PTH1R: variants seen among roughly 807,000 people sequenced by gnomAD.
The protein encoded by PTH1R is parathyroid hormone 1 receptor.
A neutral mutation model predicts 70.7 loss-of-function variants in PTH1R; 32 were observed. The ratio of observed to expected loss-of-function variants is 0.45; its 90% CI spans 0.34 to 0.61. PTH1R has a LOEUF of 0.61. Ranked by LOEUF, PTH1R falls within the 20% of genes least tolerant of loss-of-function variation. The pLI, the probability that PTH1R is intolerant of heterozygous loss-of-function variation, is 0.01. For synonymous variants in PTH1R, 329 were observed against 324.8 expected, an observed-to-expected ratio of 1.01 and a Z score of -0.14; for missense variants, 626 against 792.5, an observed-to-expected ratio of 0.79 and a Z score of 2.52.
chr3:46,900,820 C>G (rs2032071013), intron 10 of PTH1R, among the ~76,000 whole-genome samples: 1 of 152,018 alleles, frequency 6.6e-6, no homozygotes, highest in South Asian at 2.1e-4. Context: ...AGAGGCTGAG[C>G]TGGGTTTTGA....
At chr3:46,888,849 C>T (rs528963227) in intron 3 of PTH1R, among the ~76,000 whole-genome samples, 7 of 152,350 alleles carry the variant, frequency 4.6e-5, no homozygotes, top group East Asian at 3.9e-4. Flanking sequence ...CTGCCTGCCC[C>T]GAAGGCGGCC....
intron 10 of PTH1R, 24 bp downstream of exon 10, chr3:46,899,480 A>G: frequency 2.5e-6 from 4 of 1,603,806 alleles, no homozygotes; most frequent in Non-Finnish European, 3.4e-6. Context: ...GCGGGTAGCG[A>G]GGTGCCGGCA....
Position 46,898,726 on chromosome 3 carries a change from G to C in PTH1R, c.703G>C (p.Val235Leu), listed in dbSNP as rs1020569025. Residue 235 changes from valine (V) to leucine (L), a missense_variant, in exon 9 of 16, where the codon GTG becomes CTG. Coordinates refer to ENST00000449590, the MANE Select transcript of PTH1R (RefSeq NM_000316.3). ...HLFLSFMLRA[V>L]SIFVKDAVLY... ...GTTCCTGTCCTTCATGCTGCGCGCCGTGAGCATCTTCGTCAAGGACGCTGT... is the reference window on the plus strand; with the variant it reads ...GTTCCTGTCCTTCATGCTGCGCGCCCTGAGCATCTTCGTCAAGGACGCTGT... 3.7e-6 allele frequency: 6 copies of C among 1,611,118 alleles called. No homozygotes were observed. The highest frequency in any genetic ancestry group is 5.1e-6 in the Non-Finnish European group (6 of 1,179,520).
rs781682833 is a variant in PTH1R at position 46,902,598 on chromosome 3, A to G, written c.1284A>G (p.Pro428=). The change falls in exon 14 of 16, where the codon CCA becomes CCG. Residue 428 remains proline (P), a synonymous_variant. Coordinates refer to ENST00000449590, the MANE Select transcript of PTH1R (RefSeq NM_000316.3). This position sits in a 1 kb window ranked among gnomAD's most constrained non-coding sequence, Gnocchi z 5.4. ...GVHYIVFMAT[P]YTEVSGTLWQ... ...ACTACATTGTCTTCATGGCCACACC[A>G]TACACCGAGGTCTCAGGGACGCTCT... is the stretch of plus-strand genomic sequence containing the variant. 1.2e-6 allele frequency: 2 copies of G among 1,613,682 alleles called. No individual in the cohort carries two copies. The highest frequency in any genetic ancestry group is 8.5e-7 in the Non-Finnish European group (1 of 1,180,012).
In PTH1R at chr3:46,903,050, A is replaced by T; in HGVS notation, c.1396-220A>T. 1 of 1,027,192 alleles carries T rather than the reference A, an allele frequency of 9.7e-7. No homozygotes were observed. The highest frequency in any genetic ancestry group is 1.5e-6 in the Non-Finnish European group (1 of 684,256). The allele number at this position is 1,027,192 out of a possible 1,614,324, so 63.6% of individuals were successfully genotyped here. ...AATTATCTGTGACCCAGATTGGAGG[A>T]CTCAGCCACCTTTGGGGCAATTTGA... On this transcript the variant is annotated intron_variant, in intron 15 of 15. Transcript: ENST00000449590. This position sits in a 1 kb window ranked among gnomAD's most constrained non-coding sequence, Gnocchi z 4.4.
intron 3 of PTH1R, among the ~76,000 whole-genome samples, chr3:46,886,261 C>T (rs1424351370): frequency 1.3e-5 from 2 of 152,186 alleles, no homozygotes; most frequent in African/African-American, 4.8e-5. Flanking sequence ...GATGTGACCA[C>T]TGGGTAGGAC....
In PTH1R at chr3:46,879,784, G is replaced by A. The variant is rs2030443580; in HGVS notation, c.-105-1278G>A. On this transcript the variant is annotated intron_variant, in intron 1 of 15. Transcript: ENST00000449590. The surrounding 1 kb of genome is among the most constrained non-coding windows in gnomAD (Gnocchi z 4.7). ...ATGCTGCGTGTGGTGGCTCACGCTT[G>A]TAATCTCAACACTTTGGGAGGCCGA... Among the ~76,000 whole-genome samples, 1 of 151,884 alleles carries A rather than the reference G, an allele frequency of 6.6e-6. No homozygotes were observed. Among genetic ancestry groups the A allele is most frequent in the Admixed American group, 6.6e-5 (1 of 15,262 alleles).
At position 46,892,656 on chromosome 3, in the gene PTH1R, C is replaced by A; in HGVS notation, c.76-1251C>A. ...GACCCGGCCTGCCCGCCCCTCTCGC[C>A]GGTGCCCGCCCCATGCCCGACCCGC... On this transcript the variant is annotated intron_variant, in intron 3 of 15. Transcript: ENST00000449590. This position sits in a 1 kb window ranked among gnomAD's most constrained non-coding sequence, Gnocchi z 5.2. 1.2e-6 allele frequency: 1 copy of A among 851,990 alleles called. No individual in the cohort carries two copies. 52.8% of individuals were successfully genotyped at this position (851,990 alleles called of 1,614,324 possible). A position where few individuals can be genotyped will look rare whatever the true frequency, so the allele number is the denominator to read the frequency against.
At chr3:46,889,036 G>A (rs1044011251) in intron 3 of PTH1R, among the ~76,000 whole-genome samples, 21 of 152,250 alleles carry the variant, frequency 1.4e-4, no homozygotes, top group Non-Finnish European at 5.9e-5. Flanking sequence ...CAGAGAGAGG[G>A]CAGCAGGGGT....
chr3:46,883,558 C>T lies in PTH1R; in HGVS notation c.-2C>T, dbSNP rs1035372423. On this transcript the variant is annotated 5_prime_UTR_variant, in exon 3 of 16. Coordinates refer to ENST00000449590, the MANE Select transcript of PTH1R (RefSeq NM_000316.3). The surrounding 1 kb of genome is among the most constrained non-coding windows in gnomAD (Gnocchi z 6.4). The stretch of plus-strand genomic sequence containing the variant: ...CGAGGGACGCGGCCCTAGGCGGTGG[C>T]GATGGGGACCGCCCGGATCGCACCC... The T allele has an allele frequency of 3.7e-5, 57 of 1,534,318 alleles. No individual in the cohort carries two copies. Among genetic ancestry groups the T allele is most frequent in the Non-Finnish European group, 4.8e-5 (55 of 1,145,026 alleles).
rs145560357 is a variant in PTH1R at position 46,895,832 on chromosome 3, G to C, written c.276G>C (p.Glu92Asp). The change falls in exon 5 of 16, where the codon GAG (glutamate) becomes GAC (aspartate). Residue 92 changes from glutamate to aspartate, a missense_variant. This residue lies in a region of PTH1R where 123 missense variants were observed against 125.7 expected (regional missense o/e 0.98). Coordinates refer to ENST00000449590, the MANE Select transcript of PTH1R (RefSeq NM_000316.3). ...KASGKLYPES[E>D]EDKEAPTGSR... The stretch of plus-strand genomic sequence containing the variant: ...CTGGGAAGCTCTACCCTGAGTCTGA[G>C]GAGGACAAGGAGGCACCCACTGGCA... 10 of 1,613,852 alleles carry C rather than the reference G, an allele frequency of 6.2e-6. No homozygotes were observed. The African/African-American group carries it at 1.2e-4, about 19-fold the overall frequency.
Position 46,892,479 on chromosome 3 carries a change from G to A in PTH1R, c.76-1428G>A, listed in dbSNP as rs761390194. Among the ~76,000 whole-genome samples, 7 of 152,176 alleles carry A rather than the reference G, an allele frequency of 4.6e-5. No individual in the cohort carries two copies. The highest frequency in any genetic ancestry group is 1.3e-4 in the Admixed American group (2 of 15,288). ...CGAGAATGCGCTGCCACTCGCGCGC[G>A]CACGCACAGGGACGCGCACGCGGCT... On this transcript the variant is annotated intron_variant, in intron 3 of 15. Transcript: ENST00000449590. This position sits in a 1 kb window ranked among gnomAD's most constrained non-coding sequence, Gnocchi z 5.2.
In PTH1R at chr3:46,884,277, C is replaced by T. The variant is rs554909365; in HGVS notation, c.75+643C>T. Among the ~76,000 whole-genome samples, 17 of 152,060 alleles carry T rather than the reference C, an allele frequency of 1.1e-4. No individual in the cohort carries two copies. The highest frequency in any genetic ancestry group is 1.9e-4 in the Non-Finnish European group (13 of 67,998). On this transcript the variant is annotated intron_variant, in intron 3 of 15. Transcript: ENST00000449590. The surrounding 1 kb of genome is among the most constrained non-coding windows in gnomAD (Gnocchi z 4.8). ...ATATCCTGTGGGGAAGTGAGGAGAC[C>T]CCTGGAAAGACTGTCACTCCCTGAG...
In PTH1R at chr3:46,898,150, C is replaced by T; in HGVS notation, c.501C>T (p.Tyr167=). 1.2e-6 allele frequency: 2 copies of T among 1,614,208 alleles called. No individual in the cohort carries two copies. Among genetic ancestry groups the T allele is most frequent in the South Asian group, 1.1e-5 (1 of 91,090 alleles). The part of the protein sequence containing the change: ...VPGHNRTWAN[Y]SECVKFLTNE... ...GGCACAACAGGACGTGGGCCAACTA[C>T]AGCGAGTGTGTCAAATTTCTCACCA... Residue 167 remains tyrosine, a synonymous_variant, in exon 7 of 16, where the codon TAC becomes TAT. Coordinates refer to ENST00000449590, the MANE Select transcript of PTH1R (RefSeq NM_000316.3).
chr3:46,898,432 G>C lies in PTH1R; in HGVS notation c.598G>C (p.Ala200Pro). Residue 200 changes from alanine to proline, a missense_variant, in exon 8 of 16, where the codon GCG (alanine) becomes CCG (proline). Ala to Pro is a conservative substitution (Grantham distance 27). Coordinates refer to ENST00000449590, the MANE Select transcript of PTH1R (RefSeq NM_000316.3). Reference protein sequence around the residue: ...IYTVGYSVSLASLTVAVLILA... With the variant: ...IYTVGYSVSLPSLTVAVLILA... ...CACCGTGGGCTACTCCGTGTCCCTG[G>C]CGTCCCTCACCGTAGCTGTGCTCAT... 6.2e-7 allele frequency: 1 copy of C among 1,613,966 alleles called. No homozygotes were observed. Among genetic ancestry groups the C allele is most frequent in the Non-Finnish European group, 8.5e-7 (1 of 1,179,986 alleles).
intron 3 of PTH1R, among the ~76,000 whole-genome samples, chr3:46,890,388 T>TTGCTGC (rs562274566): frequency 3.3e-5 from 5 of 151,996 alleles, no homozygotes; most frequent in Admixed American, 1.3e-4. Context: ...GGGATGTGAC[T>TTGCTGC]TGCTGCTGCT....
rs568784805 is a variant in PTH1R, at chr3:46,887,007, G to A, written c.75+3373G>A. Among the ~76,000 whole-genome samples the A allele has an allele frequency of 2.0e-5, 3 of 152,160 alleles. No homozygotes were observed. The East Asian group carries it at 5.8e-4, about 30-fold the overall frequency. On this transcript the variant is annotated intron_variant, in intron 3 of 15. Transcript: ENST00000449590. The stretch of plus-strand genomic sequence containing the variant: ...ACCTGTAATCCTAACACTTTGGGAG[G>A]CCGGGCAGATCACCTGAGGCCAGGA...
At chr3:46,898,616 G>A (rs1471348922) in intron 8 of PTH1R, 46 bp from the exon 9 acceptor site, 1 of 1,607,424 alleles carries the variant, frequency 6.2e-7, no homozygotes, top group East Asian at 2.2e-5. Flanking sequence ...TCCACCCACC[G>A]CGCGTCCCCG....
At position 46,901,967 on chromosome 3, in the gene PTH1R, G is replaced by T; in HGVS notation, c.1211+107G>T. 1 of 1,231,610 alleles carries T rather than the reference G, an allele frequency of 8.1e-7. No homozygotes were observed. Among genetic ancestry groups the T allele is most frequent in the East Asian group, 2.5e-5 (1 of 40,096 alleles). 76.3% of individuals were successfully genotyped at this position (1,231,610 alleles called of 1,614,324 possible). On this transcript the variant is annotated intron_variant, in intron 13 of 15. Transcript: ENST00000449590. This position sits in a 1 kb window ranked among gnomAD's most constrained non-coding sequence, Gnocchi z 7.3. ...CCCCATGAATGATCCTGGGGCAAGGGAAAGGACCCAGCGTCTGACTCCCTG... is the reference window on the plus strand; with the variant it reads ...CCCCATGAATGATCCTGGGGCAAGGTAAAGGACCCAGCGTCTGACTCCCTG...
Sources: allele counts gnomAD v4.1 joint callset (sites outside exome capture counted in the v4.1 genomes callset), GRCh38; gene constraint gnomAD v4.1.1; regional missense constraint gnomAD v4.1.1; non-coding constraint Gnocchi (gnomAD v3.1); transcripts MANE v1.5; gene names NCBI Gene and HGNC (gene_info 2026-07-23, HGNC 2026-07-21).